SAMD5: variants seen among roughly 807,000 people sequenced by gnomAD.
SAMD5 encodes the protein sterile alpha motif domain-containing protein 5.
A neutral mutation model predicts 11.3 loss-of-function variants in SAMD5; 13 were observed. That is an observed-to-expected ratio of 1.15 (90% confidence interval 0.75 to 1.83). SAMD5 has a LOEUF of 1.83. Ranked by LOEUF, SAMD5 falls within the 40% of genes most tolerant of loss-of-function variation. The pLI is 0.00. For synonymous variants in SAMD5, 129 were observed against 111.3 expected (o/e 1.16, Z -1.00); for missense variants, 255 against 239.1 (o/e 1.07, Z -0.44).
the SAMD5 span, among the ~76,000 whole-genome samples, chr6:147,856,516 G>A: frequency 6.6e-6 from 1 of 152,140 alleles, no homozygotes; most frequent in Admixed American, 6.5e-5. Context: ...ATTCATAAAT[G>A]TTTTCTTTCA....
At chr6:147,874,848 T>G in the SAMD5 span, among the ~76,000 whole-genome samples, 1 of 151,970 alleles carries the variant, frequency 6.6e-6, no homozygotes. Context: ...TACATGTTTA[T>G]AGTGACAAAT....
chr6:147,770,325 G>A, the SAMD5 span, among the ~76,000 whole-genome samples: 263 of 152,164 alleles, frequency 1.7e-3, 2 homozygotes, highest in African/African-American at 6.0e-3. Flanking sequence ...ACCTTTCCAC[G>A]TAGGGAAAGA....
chr6:147,859,123 A>G, the SAMD5 span, among the ~76,000 whole-genome samples: 14 of 152,234 alleles, frequency 9.2e-5, 1 homozygote, highest in Middle Eastern at 3.4e-3. Context: ...GAGTAAAGCA[A>G]TGTTTACTAC....
At chr6:147,862,239 G>A in the SAMD5 span, among the ~76,000 whole-genome samples, 1 of 151,926 alleles carries the variant, frequency 6.6e-6, no homozygotes, top group Non-Finnish European at 1.5e-5. Flanking sequence ...GGCCCTCATT[G>A]CCTTTCTCCC....
intron 1 of SAMD5, among the ~76,000 whole-genome samples, chr6:147,591,674 T>C (rs1029546986): frequency 3.8e-4 from 58 of 152,162 alleles, no homozygotes; most frequent in Non-Finnish European, 5.6e-4. Context: ...CAGTTTTCCA[T>C]GGAAATGGGG....
chr6:147,697,077 T>A (rs1399831215), intron 1 of SAMD5, among the ~76,000 whole-genome samples: 5 of 152,150 alleles, frequency 3.3e-5, no homozygotes, highest in Non-Finnish European at 4.4e-5. Flanking sequence ...AGCAGAGCAC[T>A]CTCTGAGGTC....
chr6:147,746,743 G>T, the SAMD5 span, among the ~76,000 whole-genome samples: 1 of 152,256 alleles, frequency 6.6e-6, no homozygotes, highest in South Asian at 2.1e-4. Context: ...AAAAACTATG[G>T]GTTGGTACTC....
At chr6:147,747,532 T>C in the SAMD5 span, among the ~76,000 whole-genome samples, 346 of 152,322 alleles carry the variant, frequency 2.3e-3, 2 homozygotes, top group African/African-American at 8.0e-3. Flanking sequence ...TTTTGTTTTT[T>C]GAGACGGGGT....
chr6:147,706,887 C>T (rs1011629707), intron 1 of SAMD5, among the ~76,000 whole-genome samples: 2 of 152,196 alleles, frequency 1.3e-5, no homozygotes, highest in Non-Finnish European at 2.9e-5. Context: ...AAATCGTCTG[C>T]ATAAATCCAT....
At chr6:147,510,293 G>C (rs1788068509) in intron 1 of SAMD5, among the ~76,000 whole-genome samples, 1 of 152,202 alleles carries the variant, frequency 6.6e-6, no homozygotes. Flanking sequence ...TCACACCAGA[G>C]CTCTGCTTCT....
intron 1 of SAMD5, among the ~76,000 whole-genome samples, chr6:147,712,815 A>C (rs1235414414): frequency 6.7e-6 from 1 of 150,340 alleles, no homozygotes; most frequent in Non-Finnish European, 1.5e-5. Flanking sequence ...CTATAAAAAA[A>C]AAAAAAAGTC....
At chr6:147,913,754 A>G in the SAMD5 span, among the ~76,000 whole-genome samples, 1 of 152,302 alleles carries the variant, frequency 6.6e-6, no homozygotes, top group South Asian at 2.1e-4. Flanking sequence ...GTTGTGGGGG[A>G]TGGACTTGAA....
intron 1 of SAMD5, among the ~76,000 whole-genome samples, chr6:147,668,610 G>A (rs867595479): frequency 6.6e-6 from 1 of 152,124 alleles, no homozygotes; most frequent in Non-Finnish European, 1.5e-5. Context: ...TTGGGAGGCC[G>A]AGGCAGGTGG....
chr6:147,650,204 C>T (rs963367787), intron 1 of SAMD5, among the ~76,000 whole-genome samples: 7 of 152,130 alleles, frequency 4.6e-5, no homozygotes, highest in African/African-American at 1.7e-4. Flanking sequence ...ATAAAACACA[C>T]AAGGGCCTAC....
At chr6:147,841,506 T>C in the SAMD5 span, among the ~76,000 whole-genome samples, 3 of 152,230 alleles carry the variant, frequency 2.0e-5, no homozygotes, top group Non-Finnish European at 4.4e-5. Flanking sequence ...GTTCTCTTTC[T>C]CCTATTCACA....
At position 147,569,329 on chromosome 6, in the gene SAMD5, ATTTTTT is replaced by A; in HGVS notation, c.*4874_*4879del. On this transcript the variant is annotated 3_prime_UTR_variant, in exon 2 of 2. Coordinates refer to ENST00000367474, the MANE Select transcript of SAMD5 (RefSeq NM_001030060.3). ...TTTAAACTCCTGGAAATTAAGTGTT[ATTTTTT>A]ATTACTGCAGTTGAGAGATACCTTT... 1.8e-6 allele frequency: 1 copy of A among 570,280 alleles called. No individual in the cohort carries two copies. The highest frequency in any genetic ancestry group is 2.2e-6 in the Non-Finnish European group (1 of 451,532). The allele number at this position is 570,280 out of a possible 1,614,324, so 35.3% of individuals were successfully genotyped here.
intron 1 of SAMD5, among the ~76,000 whole-genome samples, chr6:147,682,712 A>G (rs1407128647): frequency 6.6e-6 from 1 of 152,230 alleles, no homozygotes; most frequent in Non-Finnish European, 1.5e-5. Flanking sequence ...GTTTTGAATT[A>G]GCTGCTGAGA....
At chr6:147,752,603 T>C in the SAMD5 span, among the ~76,000 whole-genome samples, 1 of 152,312 alleles carries the variant, frequency 6.6e-6, no homozygotes, top group South Asian at 2.1e-4. Flanking sequence ...GTGAGCTGTG[T>C]ACTTTTACTG....
Position 147,568,358 on chromosome 6 carries a change from A to G in SAMD5, c.*3902A>G. On this transcript the variant is annotated 3_prime_UTR_variant, in exon 2 of 2. Transcript: ENST00000367474. The stretch of plus-strand genomic sequence containing the variant: ...GCACAGGGGGTTGAAAAATAAAAAA[A>G]GAAGTTAACATAATTAAAATGCTTG... The G allele has an allele frequency of 9.1e-6, 9 of 985,332 alleles. No individual in the cohort carries two copies. The highest frequency in any genetic ancestry group is 9.6e-6 in the Non-Finnish European group (8 of 829,796). The allele number at this position is 985,332 out of a possible 1,614,324, so 61.0% of individuals were successfully genotyped here.
Sources: gnomAD v4.1 joint callset for allele counts (sites outside exome capture counted in the v4.1 genomes callset) on GRCh38, gnomAD v4.1.1 for gene constraint, MANE v1.5 for transcripts, NCBI Gene and HGNC (gene_info 2026-07-23, HGNC 2026-07-21) for gene names.